SEL1L3: variants seen among roughly 807,000 people sequenced by gnomAD.
SEL1L3 encodes the protein SEL1L family member 3, also known as protein sel-1 homolog 3.
In SEL1L3, 76 loss-of-function variants were observed where a neutral mutation model predicts 142.8. That is an observed-to-expected ratio of 0.53 (90% CI 0.44 to 0.64). The LOEUF is 0.64. Among genes scored for constraint, SEL1L3 ranks in the 30% least tolerant of loss-of-function variants. The pLI is 0.00. For synonymous variants in SEL1L3, 504 were observed against 519.6 expected, an observed-to-expected ratio of 0.97 and a Z score of 0.41; for missense variants, 1,262 against 1,381.7, an observed-to-expected ratio of 0.91 and a Z score of 1.37.
chr4:25,783,636 T>C (rs1711576263), intron 14 of SEL1L3, among the ~76,000 whole-genome samples: 1 of 152,212 alleles, frequency 6.6e-6, no homozygotes. Flanking sequence ...TATGTGTGCA[T>C]GTATGTGCAT....
intron 11 of SEL1L3, among the ~76,000 whole-genome samples, chr4:25,801,100 G>A (rs557184707): frequency 3.9e-5 from 6 of 152,332 alleles, no homozygotes; most frequent in East Asian, 1.9e-4. Flanking sequence ...CTAAGCAGGG[G>A]CAAATCAAGT....
chr4:25,745,922 C>T (rs1717247700), downstream of SEL1L3, among the ~76,000 whole-genome samples: 1 of 152,232 alleles, frequency 6.6e-6, no homozygotes, highest in Non-Finnish European at 1.5e-5. Flanking sequence ...GAGAGAGGAT[C>T]TCAGCAGAGC....
intron 10 of SEL1L3, 30 bp downstream of exon 10, chr4:25,804,511 T>G: frequency 6.7e-7 from 1 of 1,496,534 alleles, no homozygotes; most frequent in Middle Eastern, 1.7e-4. Flanking sequence ...TGCAAGTGAC[T>G]GATGTTAATG....
At chr4:25,763,051 G>A (rs1718486451) in intron 20 of SEL1L3, among the ~76,000 whole-genome samples, 1 of 151,886 alleles carries the variant, frequency 6.6e-6, no homozygotes, top group African/African-American at 2.4e-5. Context: ...GGGACTGCAA[G>A]GGAACATGAA....
chr4:25,782,496 C>T (rs1253559623), intron 14 of SEL1L3, 78 bp from the exon 15 acceptor site: 2 of 1,286,466 alleles, frequency 1.6e-6, no homozygotes, highest in Non-Finnish European at 2.2e-6. Context: ...ATTGTGGAAG[C>T]ATTCTGCCTA....
chr4:25,728,927 G>A, the SEL1L3 span, among the ~76,000 whole-genome samples: 1 of 151,902 alleles, frequency 6.6e-6, no homozygotes, highest in Non-Finnish European at 1.5e-5. Context: ...ACTCTTACTG[G>A]CCAAGGAGAC....
chr4:25,776,270 A>G lies in SEL1L3; in HGVS notation c.2669+7T>C. On this transcript the variant is annotated splice_region_variant and intron_variant, in intron 17 of 23. Coordinates refer to ENST00000399878, the MANE Select transcript of SEL1L3 (RefSeq NM_015187.5). Reference sequence around the variant, plus strand: ...AAAGTTTGCTCTAACGTGGATCCCAAGCTTACCATGAACCTTCCAGGTAGG... The same window carrying G: ...AAAGTTTGCTCTAACGTGGATCCCAGGCTTACCATGAACCTTCCAGGTAGG... 5.0e-6 allele frequency: 8 copies of G among 1,604,470 alleles called. No individual in the cohort carries two copies. Among genetic ancestry groups the G allele is most frequent in the South Asian group, 1.1e-5 (1 of 90,100 alleles).
intron 23 of SEL1L3, among the ~76,000 whole-genome samples, chr4:25,754,636 T>G (rs992368373): frequency 6.6e-6 from 1 of 152,014 alleles, no homozygotes; most frequent in Non-Finnish European, 1.5e-5. Flanking sequence ...CCCTTACTAC[T>G]CAAAGTATGC....
At position 25,748,052 on chromosome 4, in the gene SEL1L3, A is replaced by G. The variant is rs1483325071; in HGVS notation, c.*373T>C. 1 of 175,628 alleles carries G rather than the reference A, an allele frequency of 5.7e-6. No individual in the cohort carries two copies. The highest frequency in any genetic ancestry group is 2.4e-5 in the African/African-American group (1 of 42,210). The allele number at this position is 175,628 out of a possible 1,614,324, so 10.9% of individuals were successfully genotyped here. A position where few individuals can be genotyped will look rare whatever the true frequency, so the allele number is the denominator to read the frequency against. ...GTCATAATTTTCTGTTCTTCAATAA[A>G]GGGATGAAGCACGCACTGTGATTCT... On this transcript the variant is annotated 3_prime_UTR_variant, in exon 24 of 24. Coordinates refer to ENST00000399878, the MANE Select transcript of SEL1L3 (RefSeq NM_015187.5).
chr4:25,783,239 G>A (rs1282290177), intron 14 of SEL1L3, among the ~76,000 whole-genome samples: 1 of 152,178 alleles, frequency 6.6e-6, no homozygotes, highest in Non-Finnish European at 1.5e-5. Context: ...CTGCCCTAGA[G>A]TTTCTGTTGG....
rs1303431484 is a variant in SEL1L3 at position 25,782,266 on chromosome 4, G to T, written c.2433C>A (p.Phe811Leu). 1 of 1,613,842 alleles carries T rather than the reference G, an allele frequency of 6.2e-7. No individual in the cohort carries two copies. The highest frequency in any genetic ancestry group is 1.3e-5 in the African/African-American group (1 of 75,038). ...CTTGATTCCTTCCAGGAACTCCAGG[G>T]AAGATGCCATCCAAATGCAGGACTC... Reference protein sequence around the residue: ...NLGVLHLDGIFPGVPGRNQTL... With the variant: ...NLGVLHLDGILPGVPGRNQTL... The change falls in exon 15 of 24, where the codon TTC (phenylalanine) becomes TTA (leucine). Residue 811 changes from phenylalanine to leucine, a missense_variant. Around this residue, in one of 3 missense-constraint regions of SEL1L3, gnomAD observed 435 missense variants for 559.2 expected, o/e 0.78. Transcript: ENST00000399878.
chr4:25,842,602 G>A (rs1257496970), intron 2 of SEL1L3, among the ~76,000 whole-genome samples: 1 of 152,178 alleles, frequency 6.6e-6, no homozygotes, highest in Admixed American at 6.5e-5. Flanking sequence ...AGTGGCCCTA[G>A]GGAAGGAGCA....
intron 21 of SEL1L3, 57 bp downstream of exon 21, chr4:25,758,884 G>T (rs546690277): frequency 6.5e-7 from 1 of 1,531,016 alleles, no homozygotes; most frequent in South Asian, 1.2e-5. Context: ...ACCAAGAAGC[G>T]AACATCATCT....
At chr4:25,767,433 A>T in intron 19 of SEL1L3, 92 bp downstream of exon 19, 1 of 689,108 alleles carries the variant, frequency 1.5e-6, no homozygotes, top group Non-Finnish European at 2.6e-6. Flanking sequence ...ATTTAGAAAT[A>T]CCTCACTTCA....
At chr4:25,721,649 A>G in the SEL1L3 span, among the ~76,000 whole-genome samples, 3 of 152,198 alleles carry the variant, frequency 2.0e-5, no homozygotes, top group African/African-American at 7.2e-5. Flanking sequence ...AAAAGTACAT[A>G]ACTGTTTCAT....
chr4:25,759,784 A>G (rs11731086), intron 20 of SEL1L3: 58,714 of 152,138 alleles, frequency 0.39, 11,511 homozygotes, highest in Middle Eastern at 0.47. Flanking sequence ...TGGAGAATGC[A>G]CACCCTCCAT....
chr4:25,757,387 G>T, intron 23 of SEL1L3, 147 bp downstream of exon 23: 1 of 635,482 alleles, frequency 1.6e-6, no homozygotes, highest in East Asian at 2.8e-5. Context: ...ACCCTGTGAA[G>T]ACCACCCTAG....
At chr4:25,739,859 T>C in the SEL1L3 span, among the ~76,000 whole-genome samples, 1 of 152,014 alleles carries the variant, frequency 6.6e-6, no homozygotes, top group East Asian at 1.9e-4. Flanking sequence ...TAGTATCCTT[T>C]AGGGGGTTGG....
At chr4:25,715,260 G>A in the SEL1L3 span, among the ~76,000 whole-genome samples, 1 of 152,156 alleles carries the variant, frequency 6.6e-6, no homozygotes, top group Non-Finnish European at 1.5e-5. Flanking sequence ...GGGAGATTGA[G>A]GCAGGACCAT....
Sources: gnomAD v4.1 joint callset for allele counts (sites outside exome capture counted in the v4.1 genomes callset) on GRCh38, gnomAD v4.1.1 for gene constraint, gnomAD v4.1.1 regional missense constraint, MANE v1.5 for transcripts, NCBI Gene and HGNC (gene_info 2026-07-23, HGNC 2026-07-21) for gene names.